Variants in PLIN3 observed in about 807,000 individuals in gnomAD.
PLIN3 encodes the protein perilipin 3.
PLIN3 carries 30 observed loss-of-function variants against 35.9 expected under a neutral mutation model. The ratio of observed to expected loss-of-function variants is 0.84; its 90% confidence interval spans 0.62 to 1.13. The LOEUF is 1.13. Among genes scored for constraint, PLIN3 ranks in the 50% most tolerant of loss-of-function variants. PLIN3 has a pLI of 0.00. For synonymous variants in PLIN3, 261 were observed against 262.5 expected (o/e 0.99, Z 0.06); for missense variants, 603 against 596.9 (o/e 1.01, Z -0.11).
At chr19:4,858,434 G>A (rs1247575400) in intron 4 of PLIN3, among the ~76,000 whole-genome samples, 4 of 151,454 alleles carry the variant, frequency 2.6e-5, no homozygotes, top group Non-Finnish European at 5.9e-5. Context: ...CTGGAGTGTA[G>A]TGGCGCGATC....
chr19:4,860,300 A>G (rs532270232), intron 2 of PLIN3, among the ~76,000 whole-genome samples: 2 of 152,198 alleles, frequency 1.3e-5, no homozygotes, highest in Admixed American at 6.6e-5. Context: ...TCCACCTCCC[A>G]GGTTCAAACG....
Position 4,853,262 on chromosome 19 carries a change from C to T in PLIN3, c.349-961G>A, listed in dbSNP as rs1012635556. On this transcript the variant is annotated intron_variant, in intron 4 of 7. Coordinates refer to ENST00000221957, the MANE Select transcript of PLIN3 (RefSeq NM_005817.5). ...GAGCCTCCCACCTCAGCTTCCCCAGCGAGTAGCTGTGACCACAGGCACGTA... is the reference window on the plus strand; with the variant it reads ...GAGCCTCCCACCTCAGCTTCCCCAGTGAGTAGCTGTGACCACAGGCACGTA... Among the ~76,000 whole-genome samples, 8 of 151,996 alleles carry T rather than the reference C, an allele frequency of 5.3e-5. No individual in the cohort carries two copies. The East Asian group carries it at 5.8e-4, about 11-fold the overall frequency.
rs1250093769 is a variant in PLIN3, at chr19:4,852,032, A to G, written c.618T>C (p.Leu206=). 1 of 1,613,662 alleles carries G rather than the reference A, an allele frequency of 6.2e-7. No homozygotes were observed. The highest frequency in any genetic ancestry group is 1.7e-5 in the Admixed American group (1 of 59,966). Residue 206 remains leucine, a synonymous_variant, in exon 5 of 8, where the codon CTT becomes CTC. Coordinates refer to ENST00000221957, the MANE Select transcript of PLIN3 (RefSeq NM_005817.5). ...SEEWADNHLP[L]TDAELARIAT... is the part of the protein sequence containing the mutation. The stretch of plus-strand genomic sequence containing the variant: ...CACACTTACCCAGTTCGGCATCCGT[A>G]AGGGGCAGGTGGTTGTCCGCCCACT...
At chr19:4,853,780 T>C (rs939345847) in intron 4 of PLIN3, among the ~76,000 whole-genome samples, 1 of 151,306 alleles carries the variant, frequency 6.6e-6, no homozygotes, top group Non-Finnish European at 1.5e-5. Context: ...ACCACTGCAC[T>C]CCACCCTGGG....
chr19:4,852,351 C>T (rs1414698478), intron 4 of PLIN3, 50 bp from the exon 5 acceptor site: 3 of 1,570,214 alleles, frequency 1.9e-6, no homozygotes, highest in Admixed American at 1.7e-5. Flanking sequence ...CATATCTGGG[C>T]ACCCCTCCCC....
intron 2 of PLIN3, 65 bp downstream of exon 2, chr19:4,861,264 G>T (rs1236864485): frequency 3.5e-6 from 5 of 1,434,540 alleles, no homozygotes; most frequent in Admixed American, 3.4e-5. Context: ...GCACCCTGGG[G>T]TGGGAAGCCT....
At chr19:4,840,518 G>A (rs1599155572) in intron 7 of PLIN3, among the ~76,000 whole-genome samples, 1 of 152,056 alleles carries the variant, frequency 6.6e-6, no homozygotes, top group East Asian at 1.9e-4. Flanking sequence ...CTCCCAAAAT[G>A]CTGGAATTAC....
intron 4 of PLIN3, among the ~76,000 whole-genome samples, chr19:4,857,669 TC>T (rs757266051): frequency 1.3e-4 from 20 of 152,134 alleles, no homozygotes; most frequent in Non-Finnish European, 8.8e-5. Flanking sequence ...GCATTGCCAT[TC>T]TGTAGAAAAG....
At chr19:4,866,161 G>A (rs1322568331) in intron 1 of PLIN3, among the ~76,000 whole-genome samples, 2 of 151,846 alleles carry the variant, frequency 1.3e-5, no homozygotes, top group African/African-American at 2.4e-5. Context: ...GGGAATACAG[G>A]TGCCCGCCAC....
intron 5 of PLIN3, 69 bp downstream of exon 5, chr19:4,851,947 A>T: frequency 6.7e-7 from 1 of 1,498,094 alleles, no homozygotes; most frequent in Non-Finnish European, 9.0e-7. Flanking sequence ...AGACCCCAGG[A>T]GGCCGACAGC....
rs757469249 is a variant in PLIN3 at position 4,844,648 on chromosome 19, C to T, written c.960+20G>A. ...GGACTCCAAGTACCCTAGGCCACCC[C>T]CCAGTCCCCTCATGGGTACCTCTGG... On this transcript the variant is annotated intron_variant, in intron 7 of 7. Coordinates refer to ENST00000221957, the MANE Select transcript of PLIN3 (RefSeq NM_005817.5). 5.3e-6 allele frequency: 8 copies of T among 1,510,878 alleles called. No homozygotes were observed. In the South Asian group the frequency reaches 8.2e-5, roughly 15 times the overall value. 93.6% of individuals were successfully genotyped at this position (1,510,878 alleles called of 1,614,324 possible).
rs767461174 is a variant in PLIN3, at chr19:4,839,207, C to T, written c.1290G>A (p.Pro430=). The change falls in exon 8 of 8, where the codon CCG becomes CCA. Residue 430 remains proline, a synonymous_variant. Coordinates refer to ENST00000221957, the MANE Select transcript of PLIN3 (RefSeq NM_005817.5). ...PFAPGITEKA[P]EEKK ...TCCTCTCCCCCTACTTCTTCTCCTC[C>T]GGGGCTTTCTCAGTGATTCCAGGGG... is the stretch of plus-strand genomic sequence containing the variant. 32 of 1,605,362 alleles carry T rather than the reference C, an allele frequency of 2.0e-5. No homozygotes were observed. Among genetic ancestry groups the T allele is most frequent in the Admixed American group, 5.0e-5 (3 of 59,700 alleles).
At chr19:4,844,866 G>C (rs1201072549) in intron 6 of PLIN3, 73 bp from the exon 7 acceptor site, 1 of 1,465,978 alleles carries the variant, frequency 6.8e-7, no homozygotes, top group Non-Finnish European at 9.1e-7. Context: ...GGAACCCAAG[G>C]AATCCTTCCA....
intron 6 of PLIN3, among the ~76,000 whole-genome samples, chr19:4,845,848 A>G (rs1354441417): frequency 6.7e-6 from 1 of 150,162 alleles, no homozygotes; most frequent in Non-Finnish European, 1.5e-5. Context: ...GGTGTGAACC[A>G]AGGAGGCAGA....
intron 4 of PLIN3, among the ~76,000 whole-genome samples, chr19:4,855,388 C>T (rs1161698742): frequency 1.3e-5 from 2 of 151,880 alleles, no homozygotes; most frequent in African/African-American, 4.8e-5. Flanking sequence ...GAAAGGGAAG[C>T]AAGGGCTTGG....
In PLIN3 at chr19:4,861,178, A is replaced by T. The variant is rs1290064900; in HGVS notation, c.66+151T>A. On this transcript the variant is annotated intron_variant, in intron 2 of 7. Transcript: ENST00000221957. ...CCCCTCCCAACTGGGGACACCAGTG[A>T]GTGGTCCATACCCCACTGAGGAATA... 1.0e-5 allele frequency: 7 copies of T among 669,206 alleles called. No individual in the cohort carries two copies. In the South Asian group the frequency reaches 1.0e-4, roughly 10 times the overall value. 41.5% of individuals were successfully genotyped at this position (669,206 alleles called of 1,614,324 possible). A position where few individuals can be genotyped will look rare whatever the true frequency, so the allele number is the denominator to read the frequency against.
rs1253752129 is a variant in PLIN3 at position 4,838,870 on chromosome 19, C to T, written c.*322G>A. 2.7e-5 allele frequency: 5 copies of T among 184,468 alleles called. No homozygotes were observed. The highest frequency in any genetic ancestry group is 1.2e-4 in the Admixed American group (2 of 17,228). The allele number at this position is 184,468 out of a possible 1,614,324, so 11.4% of individuals were successfully genotyped here. A position where few individuals can be genotyped will look rare whatever the true frequency, so the allele number is the denominator to read the frequency against. On this transcript the variant is annotated 3_prime_UTR_variant, in exon 8 of 8. Coordinates refer to ENST00000221957, the MANE Select transcript of PLIN3 (RefSeq NM_005817.5). Reference sequence around the variant, plus strand: ...TGCTGGGATTACAGGTGTGAGCCACCGCACCCGGCCTATATTCCTGATATT... The same window carrying T: ...TGCTGGGATTACAGGTGTGAGCCACTGCACCCGGCCTATATTCCTGATATT...
At chr19:4,862,468 A>G (rs2030708546) in intron 1 of PLIN3, among the ~76,000 whole-genome samples, 1 of 152,100 alleles carries the variant, frequency 6.6e-6, no homozygotes, top group South Asian at 2.1e-4. Context: ...CTGGTCTCGA[A>G]TTCCTGGTCT....
intron 7 of PLIN3, among the ~76,000 whole-genome samples, chr19:4,839,765 G>A (rs920141450): frequency 3.4e-4 from 47 of 138,032 alleles, no homozygotes; most frequent in African/African-American, 9.3e-4. Context: ...TCTCAGGTTC[G>A]CGCCATTCTC....
Sources: gnomAD v4.1 joint callset for allele counts (sites outside exome capture counted in the v4.1 genomes callset) on GRCh38, gnomAD v4.1.1 for gene constraint, MANE v1.5 for transcripts, NCBI Gene and HGNC (gene_info 2026-07-23, HGNC 2026-07-21) for gene names.